The following GYS1 variants were observed in gnomAD, a reference collection of about 807,000 sequenced individuals.
GYS1 encodes the protein glycogen synthase 1.
In GYS1, 60 loss-of-function variants were observed where a neutral mutation model predicts 89.1. The observed-to-expected ratio is 0.67, with a 90% CI of 0.55 to 0.84. The LOEUF (loss-of-function observed/expected upper bound fraction) is 0.84, where lower values mean the gene tolerates loss of function less well. Among genes scored for constraint, GYS1 ranks in the 40% least tolerant of loss-of-function variants. The probability of loss-of-function intolerance (pLI) is 0.00; values close to 1 mark genes in which losing one functional copy is unlikely to be tolerated. For synonymous variants in GYS1, 366 were observed against 401.7 expected, an observed-to-expected ratio of 0.91 and a Z score of 1.06; for missense variants, 888 against 1,003.1, an observed-to-expected ratio of 0.89 and a Z score of 1.55.
intron 6 of GYS1, 42 bp from the exon 7 acceptor site, chr19:48,982,417 C>A: frequency 6.2e-7 from 1 of 1,612,764 alleles, no homozygotes; most frequent in Non-Finnish European, 8.5e-7. Context: ...AAGCCCTCAC[C>A]CGCTAGCCCT....
chr19:48,981,290 G>T, intron 8 of GYS1: 1 of 499,472 alleles, frequency 2.0e-6, no homozygotes. Flanking sequence ...GTGTGCACCT[G>T]TAGTCCCAGC....
intron 3 of GYS1, among the ~76,000 whole-genome samples, chr19:48,986,973 T>C (rs1234882098): frequency 6.6e-6 from 1 of 152,248 alleles, no homozygotes; most frequent in African/African-American, 2.4e-5. Flanking sequence ...TTGAGGCTGA[T>C]TCCAAGAATC....
Position 48,991,332 on chromosome 19 carries a change from T to A in GYS1, c.270A>T (p.Thr90=), listed in dbSNP as rs779396627. The change falls in exon 2 of 16, where the codon ACA becomes ACT. Residue 90 remains threonine (T), a synonymous_variant. Coordinates refer to ENST00000323798, the MANE Select transcript of GYS1 (RefSeq NM_002103.5). The surrounding 1 kb of genome is among the most constrained non-coding windows in gnomAD (Gnocchi z 4.7). ...LEAPTPALKR[T]LDSMNSKGCK... ...AGCCCTTGCTGTTCATGGAATCCAG[T>A]GTCCTCTTCAGGGCCGGGGTGGGGG... The A allele has an allele frequency of 1.2e-6, 2 of 1,614,030 alleles. No individual in the cohort carries two copies. The highest frequency in any genetic ancestry group is 2.2e-5 in the South Asian group (2 of 91,086).
chr19:48,978,186 T>C (rs1372199584), intron 8 of GYS1, 29 bp from the exon 9 acceptor site: 1 of 1,575,102 alleles, frequency 6.3e-7, no homozygotes, highest in Non-Finnish European at 8.7e-7. Context: ...CAGGGTCACA[T>C]ACACACCAGC....
chr19:48,970,763 C>T, intron 13 of GYS1, 54 bp from the exon 14 acceptor site: 1 of 1,569,180 alleles, frequency 6.4e-7, no homozygotes, highest in Non-Finnish European at 8.8e-7. Context: ...TCTTCATGGT[C>T]TCCAGGACTC....
In GYS1 at chr19:48,979,336, C is replaced by CTTTTTTTTTTTTTTTTTTTTTTTTTTT. The variant is rs777178030; in HGVS notation, c.1170-1206_1170-1180dup. Among the ~76,000 whole-genome samples the CTTTTTTTTTTTTTTTTTTTTTTTTTTT allele has an allele frequency of 5.5e-4, 51 of 92,758 alleles. 8 individuals carry two copies. Among genetic ancestry groups the CTTTTTTTTTTTTTTTTTTTTTTTTTTT allele is most frequent in the African/African-American group, 6.4e-4 (17 of 26,452 alleles). 60.9% of individuals were successfully genotyped at this position (92,758 alleles called of 152,430 possible). On this transcript the variant is annotated intron_variant, in intron 8 of 15. Transcript: ENST00000323798. Reference sequence around the variant, plus strand: ...TTTGTCTCTTTTTCTTTTTTCTTTTCTTTTTTTTTTTTTTTTTTTTTTTTT... The same window carrying CTTTTTTTTTTTTTTTTTTTTTTTTTTT: ...TTTGTCTCTTTTTCTTTTTTCTTTTCTTTTTTTTTTTTTTTTTTTTTTTTTTTTTTTTTTTTTTTTTTTTTTTTTTTT...
chr19:48,974,079 A>G (rs1568617767), intron 12 of GYS1, 134 bp downstream of exon 12: 2 of 935,088 alleles, frequency 2.1e-6, no homozygotes, highest in Non-Finnish European at 3.4e-6. Flanking sequence ...GCGCTGTAGC[A>G]GAACAGGTGA....
Position 48,969,573 on chromosome 19 carries a change from T to C in GYS1, c.1929A>G (p.Pro643=). The part of the protein sequence containing the change: ...GYRYPRPASV[P]PSPSLSRHSS... Reference sequence around the variant, plus strand: ...AGTGTCGTGACAGCGAGGGCGACGGTGGCACCGAGGCTGGCCGTGGGTAGC... The same window carrying C: ...AGTGTCGTGACAGCGAGGGCGACGGCGGCACCGAGGCTGGCCGTGGGTAGC... The change falls in exon 16 of 16, where the codon CCA becomes CCG. Residue 643 remains proline, a synonymous_variant. Transcript: ENST00000323798. 1 of 1,538,612 alleles carries C rather than the reference T, an allele frequency of 6.5e-7. No homozygotes were observed.
chr19:48,969,171 G>A lies in GYS1; in HGVS notation c.*117C>T. ...TGGAGTGTTTGGCGGACTGGGTGGG[G>A]GCACTGCGGGGCCACACCCAGTGCA... On this transcript the variant is annotated 3_prime_UTR_variant, in exon 16 of 16. Transcript: ENST00000323798. 3 of 901,270 alleles carry A rather than the reference G, an allele frequency of 3.3e-6. No homozygotes were observed. The highest frequency in any genetic ancestry group is 5.0e-6 in the Non-Finnish European group (3 of 599,418). 55.8% of individuals were successfully genotyped at this position (901,270 alleles called of 1,614,324 possible).
chr19:48,987,939 T>TAC (rs2038867043), intron 2 of GYS1, among the ~76,000 whole-genome samples: 1 of 152,138 alleles, frequency 6.6e-6, no homozygotes, highest in Non-Finnish European at 1.5e-5. Flanking sequence ...TAGCTGGGAC[T>TAC]ACAGCGGCCC....
intron 7 of GYS1, among the ~76,000 whole-genome samples, chr19:48,981,919 G>A (rs1467404526): frequency 3.3e-5 from 5 of 151,958 alleles, no homozygotes; most frequent in Admixed American, 1.3e-4. Flanking sequence ...TTGAGACAGC[G>A]TCTTTTTCTG....
chr19:48,988,995 C>T (rs1209689710), intron 2 of GYS1, among the ~76,000 whole-genome samples: 2 of 152,120 alleles, frequency 1.3e-5, no homozygotes, highest in African/African-American at 4.8e-5. Context: ...CGACCTCTTT[C>T]CTCTATCCAT....
chr19:48,985,409 A>C (rs556813688), intron 5 of GYS1, 52 bp downstream of exon 5: 57 of 1,594,286 alleles, frequency 3.6e-5, no homozygotes, highest in Non-Finnish European at 4.7e-5. Context: ...TGGCTTTGGC[A>C]TAGACAGCTG....
chr19:48,977,933 A>ATCATAGTGATG lies in GYS1; in HGVS notation c.1298_1299insCATCACTATGA (p.Ala434IlefsTer28). The ATCATAGTGATG allele has an allele frequency of 6.2e-7, 1 of 1,613,578 alleles. No individual in the cohort carries two copies. Among genetic ancestry groups the ATCATAGTGATG allele is most frequent in the Non-Finnish European group, 8.5e-7 (1 of 1,179,470 alleles). On this transcript the variant is annotated frameshift_variant, in exon 10 of 16. Transcript: ENST00000323798. LOFTEE classifies it high-confidence loss of function. The stretch of plus-strand genomic sequence containing the variant: ...GAGGTCCAATCCATACCTGCGTTGC[A>ATCATAGTGATG]AAGATGGCTCTCTTCATCATAGTGA...
rs1457299357 is a variant in GYS1, at chr19:48,969,027, G to A, written c.*261C>T. Reference sequence around the variant, plus strand: ...AGTAATGGCAGATTCCTGGCCTCTGGGAAGCGGTCCAGGCCCAGGGGACTC... The same window carrying A: ...AGTAATGGCAGATTCCTGGCCTCTGAGAAGCGGTCCAGGCCCAGGGGACTC... On this transcript the variant is annotated 3_prime_UTR_variant, in exon 16 of 16. Transcript: ENST00000323798. The A allele has an allele frequency of 1.5e-6, 1 of 659,374 alleles. No homozygotes were observed. Among genetic ancestry groups the A allele is most frequent in the Non-Finnish European group, 2.8e-6 (1 of 361,268 alleles). 40.8% of individuals were successfully genotyped at this position (659,374 alleles called of 1,614,324 possible).
intron 10 of GYS1, among the ~76,000 whole-genome samples, chr19:48,975,727 A>G (rs1309945084): frequency 1.3e-5 from 2 of 151,716 alleles, no homozygotes; most frequent in Non-Finnish European, 2.9e-5. Context: ...GGAGATCGAG[A>G]CCATCCTGGC....
chr19:48,990,138 G>T (rs2038905086), intron 2 of GYS1, among the ~76,000 whole-genome samples: 1 of 151,888 alleles, frequency 6.6e-6, no homozygotes, highest in Admixed American at 6.6e-5. Flanking sequence ...ACCAGAGGCT[G>T]TGAATGAGTA....
chr19:48,971,093 C>G, intron 12 of GYS1, 70 bp from the exon 13 acceptor site: 1 of 1,026,348 alleles, frequency 9.7e-7, no homozygotes, highest in Non-Finnish European at 1.6e-6. Context: ...CAATAGACGC[C>G]TCAACACCGC....
At chr19:48,975,082 C>G (rs1318291770) in intron 10 of GYS1, among the ~76,000 whole-genome samples, 1 of 152,116 alleles carries the variant, frequency 6.6e-6, no homozygotes, top group Non-Finnish European at 1.5e-5. Context: ...AGGCGCCTAC[C>G]ACCACGCCCG....
Sources: gnomAD v4.1 joint callset for allele counts (sites outside exome capture counted in the v4.1 genomes callset) on GRCh38, gnomAD v4.1.1 for gene constraint, Gnocchi (gnomAD v3.1) non-coding constraint, MANE v1.5 for transcripts, NCBI Gene and HGNC (gene_info 2026-07-23, HGNC 2026-07-21) for gene names.